BNC2: variants seen among roughly 807,000 people sequenced by gnomAD.
BNC2 encodes the protein basonuclin zinc finger protein 2, also known as zinc finger protein basonuclin-2.
A neutral mutation model predicts 76.3 loss-of-function variants in BNC2; 20 were observed. That is an observed-to-expected ratio of 0.26 (90% CI 0.18 to 0.38). The LOEUF is 0.38. Among genes scored for constraint, BNC2 ranks in the 10% least tolerant of loss-of-function variants. The pLI is 1.00. For missense variants in BNC2, 1,382 were observed against 1,399.8 expected (o/e 0.99, Z 0.20); for synonymous variants, 582 against 514.8 (o/e 1.13, Z -1.77).
chr9:16,788,364 T>C (rs151250251), intron 1 of BNC2, among the ~76,000 whole-genome samples: 4,962 of 151,642 alleles, frequency 0.033, 254 homozygotes, highest in African/African-American at 0.11. Context: ...CCATCCTGGC[T>C]AACATGGTGA....
intron 1 of BNC2, among the ~76,000 whole-genome samples, chr9:16,865,356 A>G (rs769663427): frequency 3.9e-5 from 6 of 152,150 alleles, no homozygotes; most frequent in Non-Finnish European, 8.8e-5. Context: ...AGAGTTTTAT[A>G]GTCAAGTTCT....
rs1006857643 is a variant in BNC2 at position 16,791,216 on chromosome 9, C to T, written c.4-52731G>A. Among the ~76,000 whole-genome samples the T allele has an allele frequency of 2.0e-5, 3 of 152,224 alleles. No homozygotes were observed. In the South Asian group the frequency reaches 6.2e-4, roughly 32 times the overall value. ...AGCTGGGACTACAGGCACCCGCCACCATGCCTGGCTAATTTTTTGTATTTT... is the reference window on the plus strand; with the variant it reads ...AGCTGGGACTACAGGCACCCGCCACTATGCCTGGCTAATTTTTTGTATTTT... On this transcript the variant is annotated intron_variant, in intron 1 of 6. Coordinates refer to ENST00000380672, the MANE Select transcript of BNC2 (RefSeq NM_017637.6).
chr9:16,760,894 A>G (rs1825534275), intron 1 of BNC2, among the ~76,000 whole-genome samples: 1 of 152,188 alleles, frequency 6.6e-6, no homozygotes, highest in African/African-American at 2.4e-5. Flanking sequence ...AAGAAAGAAA[A>G]AAGAAAAGTA....
intron 1 of BNC2, among the ~76,000 whole-genome samples, chr9:16,814,076 G>C (rs79964981): frequency 0.019 from 2,820 of 152,280 alleles, 96 homozygotes; most frequent in African/African-American, 0.065. Context: ...GGACCACTGG[G>C]CTGTGGACAA....
At chr9:16,856,168 G>T (rs1175811180) in intron 1 of BNC2, among the ~76,000 whole-genome samples, 2 of 152,046 alleles carry the variant, frequency 1.3e-5, no homozygotes, top group Non-Finnish European at 1.5e-5. Flanking sequence ...AAAAATTTCA[G>T]TCAACTATAC....
At chr9:16,510,087 G>T (rs1347119556) in intron 5 of BNC2, among the ~76,000 whole-genome samples, 7 of 152,180 alleles carry the variant, frequency 4.6e-5, no homozygotes, top group African/African-American at 1.4e-4. Context: ...TCTCTGCAAG[G>T]CTATGAGTCA....
intron 3 of BNC2, among the ~76,000 whole-genome samples, chr9:16,717,271 T>G (rs1410700146): frequency 2.6e-5 from 4 of 152,220 alleles, no homozygotes; most frequent in African/African-American, 9.6e-5. Context: ...GTGTTCACAT[T>G]ACTTTCTTTA....
intron 5 of BNC2, among the ~76,000 whole-genome samples, chr9:16,477,953 A>G (rs191127037): frequency 5.7e-4 from 87 of 152,216 alleles, no homozygotes; most frequent in Non-Finnish European, 1.1e-3. Context: ...TTAGGAACTA[A>G]AATTTCTCCT....
intron 1 of BNC2, among the ~76,000 whole-genome samples, chr9:16,813,420 T>C (rs1306657740): frequency 1.8e-4 from 28 of 151,720 alleles, no homozygotes; most frequent in Admixed American, 4.6e-4. Flanking sequence ...CGCCCGCCAC[T>C]ACGCCCGGCT....
chr9:16,682,800 A>C (rs566060746), intron 3 of BNC2, among the ~76,000 whole-genome samples: 2 of 152,326 alleles, frequency 1.3e-5, no homozygotes, highest in African/African-American at 2.4e-5. Flanking sequence ...TTCCCAACCA[A>C]GAAAAGAACT....
At chr9:16,431,398 C>G (rs750336610) in intron 6 of BNC2, 1 of 451,592 alleles carries the variant, frequency 2.2e-6, no homozygotes, top group East Asian at 7.1e-5. Context: ...GTAAATTACA[C>G]CCACCAGCTA....
intron 5 of BNC2, among the ~76,000 whole-genome samples, chr9:16,537,478 G>A (rs759952285): frequency 2.0e-5 from 3 of 152,060 alleles, no homozygotes; most frequent in Non-Finnish European, 4.4e-5. Context: ...TATTTACCAA[G>A]TGAAAATGAT....
chr9:16,557,973 A>G (rs999811080), intron 4 of BNC2, among the ~76,000 whole-genome samples: 7 of 151,924 alleles, frequency 4.6e-5, no homozygotes, highest in Non-Finnish European at 1.0e-4. Context: ...TCTCCCAAGC[A>G]GCTAGGACTA....
intron 5 of BNC2, among the ~76,000 whole-genome samples, chr9:16,530,451 T>C (rs919612433): frequency 2.6e-5 from 4 of 152,126 alleles, no homozygotes; most frequent in African/African-American, 9.7e-5. Context: ...GAAAGCCAAT[T>C]GGGGTTCCCT....
chr9:16,745,217 G>A (rs765354716), intron 1 of BNC2, among the ~76,000 whole-genome samples: 4 of 152,204 alleles, frequency 2.6e-5, no homozygotes, highest in Non-Finnish European at 4.4e-5. Flanking sequence ...CAGTTGCTGC[G>A]TAGGTACGTG....
At chr9:16,792,652 CG>C (rs1424667459) in intron 1 of BNC2, among the ~76,000 whole-genome samples, 2 of 152,070 alleles carry the variant, frequency 1.3e-5, no homozygotes, top group South Asian at 2.1e-4. Flanking sequence ...TAAATACCAG[CG>C]GGGGGAACCA....
At chr9:16,573,199 G>C (rs1033609512) in intron 4 of BNC2, among the ~76,000 whole-genome samples, 72 of 148,102 alleles carry the variant, frequency 4.9e-4, no homozygotes, top group African/African-American at 1.7e-3. Flanking sequence ...TTGCATCTGG[G>C]TGACAGAGCA....
chr9:16,621,413 A>C (rs932381110), intron 3 of BNC2, among the ~76,000 whole-genome samples: 3 of 152,194 alleles, frequency 2.0e-5, no homozygotes, highest in Non-Finnish European at 4.4e-5. Flanking sequence ...AAAGTGACGA[A>C]GGAAAAAAGT....
At chr9:16,482,978 C>G (rs1471447149) in intron 5 of BNC2, among the ~76,000 whole-genome samples, 2 of 152,152 alleles carry the variant, frequency 1.3e-5, no homozygotes, top group African/African-American at 4.8e-5. Context: ...GTACAAATGG[C>G]AATTTGCTGT....
Sources: allele counts gnomAD v4.1 joint callset (sites outside exome capture counted in the v4.1 genomes callset), GRCh38; gene constraint gnomAD v4.1.1; transcripts MANE v1.5; gene names NCBI Gene and HGNC (gene_info 2026-07-23, HGNC 2026-07-21).